Variants in SLC9A9 observed in about 807,000 individuals in gnomAD.
SLC9A9 encodes sodium/hydrogen exchanger 9.
SLC9A9 carries 62 observed loss-of-function variants against 77.8 expected under a neutral mutation model. That is an observed-to-expected ratio of 0.80 (90% CI 0.65 to 0.98). The LOEUF is 0.98. Ranked by LOEUF, SLC9A9 falls within the 50% of genes least tolerant of loss-of-function variation. The pLI, the probability that SLC9A9 is intolerant of heterozygous loss-of-function variation, is 0.00. For synonymous variants in SLC9A9, 320 were observed against 283.5 expected, an observed-to-expected ratio of 1.13 and a Z score of -1.29; for missense variants, 775 against 774.9, an observed-to-expected ratio of 1.00 and a Z score of 0.00.
chr3:143,456,508 T>C (rs1210383813), intron 12 of SLC9A9, among the ~76,000 whole-genome samples: 1 of 152,160 alleles, frequency 6.6e-6, no homozygotes, highest in African/African-American at 2.4e-5. Context: ...AGTGAAACCA[T>C]CTGGGCTTGT....
At chr3:143,428,262 C>CCTGAGTAGACATT (rs1553753870) in intron 12 of SLC9A9, among the ~76,000 whole-genome samples, 1 of 150,980 alleles carries the variant, frequency 6.6e-6, no homozygotes. Context: ...GGATAAAAGA[C>CCTGAGTAGACATT]CTGAATAGAC....
intron 1 of SLC9A9, among the ~76,000 whole-genome samples, chr3:143,838,023 G>T (rs576786563): frequency 7.5e-6 from 1 of 133,744 alleles, no homozygotes; most frequent in African/African-American, 2.5e-5. Context: ...CTCTTCTCTG[G>T]ACTTCCAGTT....
At chr3:143,653,705 G>A (rs2038839874) in intron 5 of SLC9A9, among the ~76,000 whole-genome samples, 1 of 152,140 alleles carries the variant, frequency 6.6e-6, no homozygotes, top group Non-Finnish European at 1.5e-5. Context: ...GGGCAGAATG[G>A]ACACATGGCT....
intron 9 of SLC9A9, among the ~76,000 whole-genome samples, chr3:143,508,185 C>T (rs1182631020): frequency 6.6e-6 from 1 of 152,190 alleles, no homozygotes; most frequent in African/African-American, 2.4e-5. Flanking sequence ...ATACTCCACT[C>T]CATCCACTAT....
intron 4 of SLC9A9, among the ~76,000 whole-genome samples, chr3:143,766,359 C>A (rs1012108457): frequency 6.6e-6 from 1 of 152,068 alleles, no homozygotes; most frequent in Non-Finnish European, 1.5e-5. Flanking sequence ...TAAAGTCAGA[C>A]AACAAGGCCA....
In SLC9A9 at chr3:143,663,811, A is replaced by T. The variant is rs138864388; in HGVS notation, c.650-11451T>A. Among the ~76,000 whole-genome samples the T allele has an allele frequency of 3.9e-3, 590 of 152,314 alleles. 4 individuals carry two copies. The highest frequency in any genetic ancestry group is 0.014 in the African/African-American group (562 of 41,574). On this transcript the variant is annotated intron_variant, in intron 5 of 15. Transcript: ENST00000316549. ...GAACAAAGCCTCCAAGAAATACGGG[A>T]AACTCATATGGGATTATGTGAAAAG... is the stretch of plus-strand genomic sequence containing the variant.
intron 2 of SLC9A9, among the ~76,000 whole-genome samples, chr3:143,819,981 T>C (rs1212847631): frequency 6.6e-6 from 1 of 152,202 alleles, no homozygotes; most frequent in East Asian, 1.9e-4. Context: ...ACTCAAATCA[T>C]AGCTTCTAAT....
chr3:143,311,532 G>T (rs923625356), intron 14 of SLC9A9, among the ~76,000 whole-genome samples: 27 of 152,318 alleles, frequency 1.8e-4, no homozygotes, highest in South Asian at 1.5e-3. Context: ...TCCTGGGCAG[G>T]TTGGGTGCTT....
intron 4 of SLC9A9, among the ~76,000 whole-genome samples, chr3:143,709,853 A>G (rs1934092127): frequency 6.6e-6 from 1 of 152,132 alleles, no homozygotes; most frequent in African/African-American, 2.4e-5. Context: ...ACAGACCTCC[A>G]TTATTCCTTT....
At chr3:143,412,185 C>T (rs911976082) in intron 12 of SLC9A9, among the ~76,000 whole-genome samples, 3 of 152,170 alleles carry the variant, frequency 2.0e-5, no homozygotes, top group Non-Finnish European at 4.4e-5. Flanking sequence ...TCCTCTGCTG[C>T]TGGCTGCCAG....
chr3:143,387,526 T>A (rs2033457003), intron 12 of SLC9A9, among the ~76,000 whole-genome samples: 1 of 152,182 alleles, frequency 6.6e-6, no homozygotes, highest in African/African-American at 2.4e-5. Flanking sequence ...GATGTACCTT[T>A]TAATTTTAAG....
intron 14 of SLC9A9, among the ~76,000 whole-genome samples, chr3:143,335,216 A>G (rs571818359): frequency 6.6e-6 from 1 of 152,332 alleles, no homozygotes; most frequent in African/African-American, 2.4e-5. Context: ...TAAAGAATCA[A>G]ATACTTAGAA....
In SLC9A9 at chr3:143,574,083, C is replaced by T. The variant is rs372513364; in HGVS notation, c.1000+5G>A. 5.2e-5 allele frequency: 84 copies of T among 1,612,456 alleles called. 1 individual carries two copies. The highest frequency in any genetic ancestry group is 6.4e-5 in the Non-Finnish European group (75 of 1,178,964). On this transcript the variant is annotated splice_donor_5th_base_variant and intron_variant, in intron 8 of 15. Coordinates refer to ENST00000316549, the MANE Select transcript of SLC9A9 (RefSeq NM_173653.4). The stretch of plus-strand genomic sequence containing the variant: ...CCAGTTGGCTGTGCAGCATGAAGCA[C>T]TGACCTGTTAGGCCGGCAGCCTCGG...
intron 9 of SLC9A9, among the ~76,000 whole-genome samples, chr3:143,534,261 A>T: frequency 6.6e-6 from 1 of 152,256 alleles, no homozygotes; most frequent in South Asian, 2.1e-4. Context: ...TTCTAAAATG[A>T]TTTTAAATAA....
At chr3:143,589,600 A>C (rs889218902) in intron 6 of SLC9A9, among the ~76,000 whole-genome samples, 1 of 152,220 alleles carries the variant, frequency 6.6e-6, no homozygotes, top group Non-Finnish European at 1.5e-5. Context: ...ACCATCTAGA[A>C]GACTTGTGTA....
chr3:143,357,181 ATC>A (rs2032616685), intron 14 of SLC9A9, among the ~76,000 whole-genome samples: 1 of 146,800 alleles, frequency 6.8e-6, no homozygotes, highest in Admixed American at 6.7e-5. Flanking sequence ...TTGTGGAGTT[ATC>A]TTTACATTTT....
Position 143,845,456 on chromosome 3 carries a change from T to C in SLC9A9, c.175+2692A>G, listed in dbSNP as rs1018021443. On this transcript the variant is annotated intron_variant, in intron 1 of 15. Transcript: ENST00000316549. ...CATTTAAGATATAACATTTAGGACA[T>C]CCCTGAAGAAGAAATGTGACAAGTC... Among the ~76,000 whole-genome samples the C allele has an allele frequency of 3.3e-5, 5 of 152,304 alleles. 1 individual carries two copies. The East Asian group carries it at 9.7e-4, about 29-fold the overall frequency.
chr3:143,592,281 C>A (rs1381614274), intron 6 of SLC9A9, among the ~76,000 whole-genome samples: 7 of 152,218 alleles, frequency 4.6e-5, no homozygotes, highest in African/African-American at 1.7e-4. Flanking sequence ...AATCCCAGCA[C>A]TTTGCAGGGT....
At chr3:143,481,298 A>C (rs1403655195) in intron 11 of SLC9A9, among the ~76,000 whole-genome samples, 1 of 152,190 alleles carries the variant, frequency 6.6e-6, no homozygotes, top group Non-Finnish European at 1.5e-5. Context: ...CAGAGAAGTT[A>C]CAAAGGCTTG....
Sources: gnomAD v4.1 joint callset for allele counts (sites outside exome capture counted in the v4.1 genomes callset) on GRCh38, gnomAD v4.1.1 for gene constraint, MANE v1.5 for transcripts, NCBI Gene and HGNC (gene_info 2026-07-23, HGNC 2026-07-21) for gene names.